The following TSHZ2 variants were observed in gnomAD, a reference collection of about 807,000 sequenced individuals.
TSHZ2 encodes the protein teashirt homolog 2.
A neutral mutation model predicts 74.4 loss-of-function variants in TSHZ2; 21 were observed. That is an observed-to-expected ratio of 0.28 (90% CI 0.20 to 0.41). The LOEUF is 0.41. Among genes scored for constraint, TSHZ2 ranks in the 10% least tolerant of loss-of-function variants. The pLI is 1.00. For missense variants in TSHZ2, 1,244 were observed against 1,293.5 expected (o/e 0.96, Z 0.59); for synonymous variants, 540 against 515.3 (o/e 1.05, Z -0.65).
At chr20:53,121,176 G>A (rs895075472) in intron 1 of TSHZ2, among the ~76,000 whole-genome samples, 20 of 152,246 alleles carry the variant, frequency 1.3e-4, no homozygotes, top group African/African-American at 4.3e-4. Context: ...TTCTTTTACT[G>A]TTGCTCCATA....
intron 2 of TSHZ2, among the ~76,000 whole-genome samples, chr20:53,341,062 T>C (rs1443803362): frequency 6.6e-6 from 1 of 152,230 alleles, no homozygotes; most frequent in African/African-American, 2.4e-5. Context: ...GCCAAGACTT[T>C]ATTGACCTTT....
chr20:53,211,277 C>A (rs1475554878), intron 1 of TSHZ2, among the ~76,000 whole-genome samples: 1 of 152,152 alleles, frequency 6.6e-6, no homozygotes, highest in African/African-American at 2.4e-5. Flanking sequence ...TAAAATTAAA[C>A]CTCCGATGAA....
At chr20:53,264,863 A>G (rs1461673563) in intron 2 of TSHZ2, among the ~76,000 whole-genome samples, 5 of 152,122 alleles carry the variant, frequency 3.3e-5, no homozygotes, top group African/African-American at 4.8e-5. Context: ...GATGGAAAAC[A>G]TGGCAGTGTG....
intron 1 of TSHZ2, among the ~76,000 whole-genome samples, chr20:53,026,638 G>A (rs896071750): frequency 4.6e-5 from 7 of 152,088 alleles, no homozygotes; most frequent in African/African-American, 1.7e-4. Flanking sequence ...GCAAATAAGA[G>A]AGAAAAATAT....
chr20:53,176,179 G>C (rs921059290), intron 1 of TSHZ2, among the ~76,000 whole-genome samples: 4 of 152,110 alleles, frequency 2.6e-5, no homozygotes, highest in African/African-American at 9.7e-5. Flanking sequence ...CCTCTCAAAT[G>C]CCTTTTCCAC....
intron 2 of TSHZ2, among the ~76,000 whole-genome samples, chr20:53,365,124 TC>T (rs2145611504): frequency 6.6e-6 from 1 of 152,284 alleles, no homozygotes; most frequent in Non-Finnish European, 1.5e-5. Flanking sequence ...GTCAAGAAAA[TC>T]TTTGTCCCTT....
chr20:53,237,504 AGTGT>A (rs59294548), intron 1 of TSHZ2, among the ~76,000 whole-genome samples: 8,084 of 149,626 alleles, frequency 0.054, 246 homozygotes, highest in East Asian at 0.096. Context: ...TCTCTGTGTG[AGTGT>A]GTGTGTGTGT....
At chr20:53,354,526 A>T (rs571983000) in intron 2 of TSHZ2, among the ~76,000 whole-genome samples, 1 of 152,386 alleles carries the variant, frequency 6.6e-6, no homozygotes, top group African/African-American at 2.4e-5. Context: ...TGAAGGGCTC[A>T]AAACATTATA....
intron 1 of TSHZ2, among the ~76,000 whole-genome samples, chr20:53,073,202 A>G (rs1405738251): frequency 1.4e-5 from 2 of 145,746 alleles, no homozygotes; most frequent in African/African-American, 5.2e-5. Flanking sequence ...CCCTCCCTCC[A>G]TCCATTTATC....
intron 2 of TSHZ2, among the ~76,000 whole-genome samples, chr20:53,285,150 G>A (rs2137299): frequency 0.28 from 42,574 of 151,910 alleles, 6,109 homozygotes; most frequent in Middle Eastern, 0.43. Flanking sequence ...CTGGGAAAAT[G>A]TGCAAGCCCC....
intron 2 of TSHZ2, among the ~76,000 whole-genome samples, chr20:53,427,700 C>T (rs1983702469): frequency 6.6e-6 from 1 of 152,160 alleles, no homozygotes; most frequent in African/African-American, 2.4e-5. Flanking sequence ...ATAGCTCTAT[C>T]CACTGCAGTA....
intron 1 of TSHZ2, among the ~76,000 whole-genome samples, chr20:53,112,021 C>T (rs997010123): frequency 3.9e-5 from 6 of 152,206 alleles, no homozygotes; most frequent in Non-Finnish European, 5.9e-5. Context: ...CACCCATGTC[C>T]CGGCCTCATC....
intron 2 of TSHZ2, among the ~76,000 whole-genome samples, chr20:53,393,233 C>T (rs1383600369): frequency 1.3e-5 from 2 of 152,224 alleles, no homozygotes; most frequent in African/African-American, 4.8e-5. Context: ...CAATGTTCAG[C>T]TCCCACTTAT....
At chr20:53,365,059 T>G (rs533991477) in intron 2 of TSHZ2, among the ~76,000 whole-genome samples, 1 of 152,348 alleles carries the variant, frequency 6.6e-6, no homozygotes, top group South Asian at 2.1e-4. Flanking sequence ...AAACCATTCT[T>G]GAGACAGGGG....
intron 1 of TSHZ2, among the ~76,000 whole-genome samples, chr20:53,142,460 G>A (rs1038831475): frequency 3.3e-5 from 5 of 152,188 alleles, no homozygotes; most frequent in African/African-American, 1.2e-4. Flanking sequence ...TGTGGTCAGA[G>A]GTAGGCTATG....
intron 1 of TSHZ2, among the ~76,000 whole-genome samples, chr20:53,044,673 T>G: frequency 6.6e-6 from 1 of 152,174 alleles, no homozygotes; most frequent in East Asian, 1.9e-4. Context: ...CCTTTAAGGA[T>G]GCAGACAGTG....
intron 1 of TSHZ2, among the ~76,000 whole-genome samples, chr20:53,174,578 A>G (rs1171273395): frequency 6.6e-6 from 1 of 152,200 alleles, no homozygotes; most frequent in African/African-American, 2.4e-5. Flanking sequence ...CAGAGCAAGA[A>G]TGATAATACT....
intron 2 of TSHZ2, among the ~76,000 whole-genome samples, chr20:53,409,824 G>GTTTTC (rs1219040268): frequency 4.1e-5 from 3 of 72,492 alleles, no homozygotes; most frequent in Non-Finnish European, 6.0e-5. Flanking sequence ...TCACATCTTT[G>GTTTTC]TTTTCTTTTC....
At chr20:53,112,656 G>A (rs972500664) in intron 1 of TSHZ2, among the ~76,000 whole-genome samples, 1 of 152,088 alleles carries the variant, frequency 6.6e-6, no homozygotes, top group Non-Finnish European at 1.5e-5. Context: ...GGGGCTACAG[G>A]TGTGCACCAC....
Sources: gnomAD v4.1 joint callset for allele counts (sites outside exome capture counted in the v4.1 genomes callset) on GRCh38, gnomAD v4.1.1 for gene constraint, MANE v1.5 for transcripts, NCBI Gene and HGNC (gene_info 2026-07-23, HGNC 2026-07-21) for gene names.